Variants in APOOL observed in about 807,000 individuals in gnomAD.
APOOL encodes apolipoprotein O like, also known as MICOS complex subunit MIC27.
APOOL carries 12 observed loss-of-function variants against 23.1 expected under a neutral mutation model. The observed-to-expected ratio is 0.52, with a 90% CI of 0.33 to 0.84. The LOEUF is 0.84. APOOL is among the 40% of genes least tolerant of loss of function. APOOL has a pLI of 0.02. For missense variants in APOOL, 212 were observed against 199.6 expected, an observed-to-expected ratio of 1.06 and a Z score of -0.37; for synonymous variants, 77 against 69.9, an observed-to-expected ratio of 1.10 and a Z score of -0.51.
At chrX:85,079,515 C>T (rs1415460101) in intron 8 of APOOL, among the ~76,000 whole-genome samples, 1 of 111,332 alleles carries the variant, frequency 9.0e-6, no homozygotes, top group Admixed American at 9.5e-5. Flanking sequence ...AGGATTTTCA[C>T]ATCGATGTTC....
chrX:85,078,070 C>T (rs1416166951), intron 8 of APOOL, among the ~76,000 whole-genome samples: 12 of 111,624 alleles, frequency 1.1e-4, no homozygotes, highest in Non-Finnish European at 2.1e-4. Context: ...GTTTCTTTTG[C>T]TGTGAAGAAG....
At chrX:85,053,467 C>T (rs1410470155) in intron 3 of APOOL, among the ~76,000 whole-genome samples, 3 of 111,522 alleles carry the variant, frequency 2.7e-5, no homozygotes, top group South Asian at 7.4e-4. Flanking sequence ...CTTATTTCTT[C>T]CCTGTCCAAT....
chrX:85,060,425 G>A (rs1189714923), intron 5 of APOOL, among the ~76,000 whole-genome samples: 1 of 107,169 alleles, frequency 9.3e-6, no homozygotes, highest in Non-Finnish European at 1.9e-5. Context: ...GAAAGTCATT[G>A]GTAGCTTGAT....
chrX:85,067,294 C>A, intron 6 of APOOL, 76 bp downstream of exon 6: 1 of 666,973 alleles, frequency 1.5e-6, no homozygotes, highest in African/African-American at 2.2e-5. Context: ...AAATGTTACA[C>A]AGCACCTGCA....
At chrX:85,062,281 T>C (rs1923259505) in intron 5 of APOOL, among the ~76,000 whole-genome samples, 1 of 111,468 alleles carries the variant, frequency 9.0e-6, no homozygotes, top group African/African-American at 3.3e-5. Flanking sequence ...CTTTGTCAGA[T>C]GGATAGATTG....
At chrX:85,054,278 C>G in intron 3 of APOOL, 66 bp from the exon 4 acceptor site, 2 of 986,799 alleles carry the variant, frequency 2.0e-6, no homozygotes. Flanking sequence ...GAGATGCAGG[C>G]AATTTTATCT....
At chrX:85,043,955 C>T (rs1302589028) in intron 1 of APOOL, among the ~76,000 whole-genome samples, 1 of 111,441 alleles carries the variant, frequency 9.0e-6, no homozygotes, top group Non-Finnish European at 1.9e-5. Context: ...TGATAATCAA[C>T]AGGATGGCAT....
intron 1 of APOOL, among the ~76,000 whole-genome samples, chrX:85,040,125 T>C (rs762431309): frequency 3.6e-5 from 4 of 112,171 alleles, no homozygotes; most frequent in Non-Finnish European, 5.6e-5. Context: ...TTTGTTTGTC[T>C]GACAAGAATC....
intron 3 of APOOL, among the ~76,000 whole-genome samples, chrX:85,054,044 T>A (rs1476853833): frequency 8.9e-6 from 1 of 111,952 alleles, no homozygotes; most frequent in Non-Finnish European, 1.9e-5. Context: ...CATTTATTTT[T>A]CTAGGTCATT....
At chrX:85,007,222 G>T (rs67656180) in intron 1 of APOOL, among the ~76,000 whole-genome samples, 5,704 of 110,812 alleles carry the variant, frequency 0.051, 342 homozygotes, top group African/African-American at 0.17. Context: ...AGAAGTGAGG[G>T]CCTGGCTAAT....
At chrX:85,049,736 G>A (rs957775405) in intron 2 of APOOL, among the ~76,000 whole-genome samples, 1 of 110,956 alleles carries the variant, frequency 9.0e-6, no homozygotes, top group African/African-American at 3.3e-5. Context: ...ACAGTGAGCT[G>A]TGTTCATGCC....
chrX:85,086,289 C>G (rs746713312), intron 8 of APOOL, among the ~76,000 whole-genome samples: 1 of 111,663 alleles, frequency 9.0e-6, no homozygotes, highest in South Asian at 3.8e-4. Context: ...ATCTTCTTTC[C>G]TACATTCTCC....
At position 85,092,135 on chromosome X, in the gene APOOL, C is replaced by T. The variant is rs191834789; in HGVS notation, c.*4457C>T. The T allele has an allele frequency of 2.2e-5, 6 of 278,737 alleles. No homozygotes were observed. Among genetic ancestry groups the T allele is most frequent in the East Asian group, 1.0e-4 (2 of 19,238 alleles). 23.0% of individuals were successfully genotyped at this position (278,737 alleles called of 1,213,427 possible). A position where few individuals can be genotyped will look rare whatever the true frequency, so the allele number is the denominator to read the frequency against. On this transcript the variant is annotated 3_prime_UTR_variant, in exon 9 of 9. Coordinates refer to ENST00000373173, the MANE Select transcript of APOOL (RefSeq NM_198450.6). ...ATGAAATATGATAGGTAAAAAATAG[C>T]GCAAAGCTAAGTATAAGTGACTTTT...
At chrX:85,014,186 A>G in intron 1 of APOOL, among the ~76,000 whole-genome samples, 1 of 110,304 alleles carries the variant, frequency 9.1e-6, no homozygotes, top group Admixed American at 9.6e-5. Context: ...ATCTTTTTCT[A>G]CCCCTTTACC....
chrX:85,013,214 G>C (rs1462207506), intron 1 of APOOL, among the ~76,000 whole-genome samples: 1 of 111,302 alleles, frequency 9.0e-6, no homozygotes, highest in Non-Finnish European at 1.9e-5. Context: ...AGCTGATTTG[G>C]ATATTCTCTC....
At chrX:85,011,068 G>A (rs1165754110) in intron 1 of APOOL, among the ~76,000 whole-genome samples, 2 of 111,424 alleles carry the variant, frequency 1.8e-5, no homozygotes, top group African/African-American at 6.5e-5. Flanking sequence ...TCGTATTGTG[G>A]TTTTAATTTC....
At position 85,076,014 on chromosome X, in the gene APOOL, G is replaced by T. The variant is rs371681742; in HGVS notation, c.718+1623G>T. Among the ~76,000 whole-genome samples the T allele has an allele frequency of 1.3e-4, 14 of 111,347 alleles. No individual in the cohort carries two copies. In the East Asian group the frequency reaches 2.0e-3, roughly 16 times the overall value. On this transcript the variant is annotated intron_variant, in intron 8 of 8. Coordinates refer to ENST00000373173, the MANE Select transcript of APOOL (RefSeq NM_198450.6). ...AGGTTCTGGTGAAGACCCTCTTCTG[G>T]CTTGTAGACAGCCTACTTCTCATTG...
At chrX:85,061,209 C>T (rs1169064212) in intron 5 of APOOL, among the ~76,000 whole-genome samples, 1 of 111,312 alleles carries the variant, frequency 9.0e-6, no homozygotes, top group African/African-American at 3.3e-5. Context: ...GTTGAACCAG[C>T]CTTGCATCCC....
intron 1 of APOOL, among the ~76,000 whole-genome samples, chrX:85,022,018 A>G (rs900719978): frequency 1.2e-4 from 14 of 112,156 alleles, no homozygotes; most frequent in African/African-American, 4.5e-4. Flanking sequence ...CTAGACACAT[A>G]CAACTTACCA....
Sources: gnomAD v4.1 joint callset for allele counts (sites outside exome capture counted in the v4.1 genomes callset) on GRCh38, gnomAD v4.1.1 for gene constraint, MANE v1.5 for transcripts, NCBI Gene and HGNC (gene_info 2026-07-23, HGNC 2026-07-21) for gene names.